PCDH15: variants seen among roughly 807,000 people sequenced by gnomAD.
The protein encoded by PCDH15 is protocadherin related 15.
A neutral mutation model predicts 178.5 loss-of-function variants in PCDH15; 129 were observed. That is an observed-to-expected ratio of 0.72 (90% confidence interval 0.63 to 0.84). PCDH15 has a LOEUF of 0.84. Ranked by LOEUF, PCDH15 falls within the 40% of genes least tolerant of loss-of-function variation. The pLI is 0.00. For synonymous variants in PCDH15, 800 were observed against 732.0 expected (o/e 1.09, Z -1.50); for missense variants, 2,230 against 2,099.9 (o/e 1.06, Z -1.21).
intron 10 of PCDH15, among the ~76,000 whole-genome samples, chr10:54,212,200 A>G (rs2051515915): frequency 6.6e-6 from 1 of 152,146 alleles, no homozygotes; most frequent in Non-Finnish European, 1.5e-5. Flanking sequence ...TAGATCCACA[A>G]TAGAAAATCA....
intron 8 of PCDH15, among the ~76,000 whole-genome samples, chr10:54,300,807 C>A (rs2060105125): frequency 6.6e-6 from 1 of 152,168 alleles, no homozygotes. Flanking sequence ...TGTAAATGCA[C>A]TAATCAGCGC....
intron 3 of PCDH15, among the ~76,000 whole-genome samples, chr10:54,518,899 G>T (rs1429260683): frequency 6.6e-6 from 1 of 152,106 alleles, no homozygotes; most frequent in African/African-American, 2.4e-5. Flanking sequence ...ATGCAAGGCT[G>T]GTTCAATATA....
At chr10:54,895,557 C>G (rs2131820167) in intron 3 of PCDH15, among the ~76,000 whole-genome samples, 1 of 152,226 alleles carries the variant, frequency 6.6e-6, no homozygotes, top group Non-Finnish European at 1.5e-5. Context: ...GCACTGTTGT[C>G]TCATTTGTCA....
At chr10:54,845,594 A>T (rs867793689) in intron 3 of PCDH15, among the ~76,000 whole-genome samples, 3 of 152,090 alleles carry the variant, frequency 2.0e-5, no homozygotes, top group South Asian at 2.1e-4. Flanking sequence ...TATCTATTAT[A>T]TTAATATTCT....
chr10:54,162,632 G>A (rs1401261240), intron 13 of PCDH15, among the ~76,000 whole-genome samples: 3 of 152,118 alleles, frequency 2.0e-5, no homozygotes. Context: ...CTGGAGAATT[G>A]CACAGATTTG....
chr10:54,048,684 T>C (rs1263607813), intron 18 of PCDH15, among the ~76,000 whole-genome samples: 2 of 152,154 alleles, frequency 1.3e-5, no homozygotes, highest in Non-Finnish European at 2.9e-5. Flanking sequence ...TTGTTGACTT[T>C]ATAATCAAAT....
chr10:55,454,084 A>G (rs1190728862), intron 2 of PCDH15, among the ~76,000 whole-genome samples: 1 of 152,174 alleles, frequency 6.6e-6, no homozygotes, highest in Non-Finnish European at 1.5e-5. Context: ...TGACCAGACC[A>G]TAACATAGAA....
intron 32 of PCDH15, among the ~76,000 whole-genome samples, chr10:53,824,527 C>T (rs1015162516): frequency 2.6e-5 from 4 of 152,022 alleles, no homozygotes; most frequent in Middle Eastern, 3.2e-3. Context: ...GGCAAAGATA[C>T]GAACTATAAG....
intron 2 of PCDH15, among the ~76,000 whole-genome samples, chr10:55,128,149 A>G (rs988135388): frequency 6.6e-6 from 1 of 151,970 alleles, no homozygotes; most frequent in Admixed American, 6.6e-5. Flanking sequence ...TGAAAGATGC[A>G]CTAAGATTTT....
chr10:55,082,096 A>C lies in PCDH15; in HGVS notation c.-80+84480T>G, dbSNP rs189066646. On this transcript the variant is annotated intron_variant, in intron 2 of 5. Transcript: ENST00000458638. ...AATGGACCTAACAGATATTTATAGA[A>C]CATTTCATCTAACTGCTGCAGAATA... 1.7e-3 allele frequency among the ~76,000 whole-genome samples: 253 copies of C among 152,292 alleles called. 6 individuals are homozygous for C. Among genetic ancestry groups the C allele is most frequent in the Non-Finnish European group, 5.1e-4 (35 of 68,024 alleles).
At chr10:55,202,603 C>A (rs970966140) in intron 1 of PCDH15, among the ~76,000 whole-genome samples, 1 of 152,094 alleles carries the variant, frequency 6.6e-6, no homozygotes, top group Non-Finnish European at 1.5e-5. Flanking sequence ...CAAATGGACA[C>A]TCTCCTTGTT....
At chr10:55,392,974 AGTGTAT>A (rs1276825920) in intron 2 of PCDH15, among the ~76,000 whole-genome samples, 7 of 133,638 alleles carry the variant, frequency 5.2e-5, no homozygotes, top group Non-Finnish European at 1.1e-4. Context: ...TAAGAACTAA[AGTGTAT>A]GTGTGTGTGT....
chr10:54,408,750 G>T (rs192610199), intron 3 of PCDH15, among the ~76,000 whole-genome samples: 1 of 152,286 alleles, frequency 6.6e-6, no homozygotes, highest in East Asian at 1.9e-4. Flanking sequence ...TGTTCAGAAT[G>T]TACTATGAAG....
chr10:54,001,785 G>A (rs111742631), intron 20 of PCDH15, among the ~76,000 whole-genome samples: 48 of 151,454 alleles, frequency 3.2e-4, no homozygotes, highest in African/African-American at 1.1e-3. Flanking sequence ...GTGGATGAAC[G>A]GATTAAAGAA....
At chr10:54,978,346 T>C (rs1411014384) in intron 2 of PCDH15, among the ~76,000 whole-genome samples, 1 of 152,130 alleles carries the variant, frequency 6.6e-6, no homozygotes. Context: ...CTATGTATTA[T>C]AACTGGTAAA....
intron 9 of PCDH15, among the ~76,000 whole-genome samples, chr10:54,219,498 C>A (rs1283228386): frequency 1.4e-5 from 2 of 144,298 alleles, no homozygotes; most frequent in Admixed American, 7.4e-5. Context: ...GAGGCTGAGG[C>A]AGGAGAATGG....
intron 2 of PCDH15, among the ~76,000 whole-genome samples, chr10:55,332,454 A>G (rs1203023103): frequency 1.3e-5 from 2 of 152,218 alleles, no homozygotes; most frequent in Non-Finnish European, 2.9e-5. Flanking sequence ...GAACTAGATC[A>G]AATCCATAAC....
At chr10:53,861,581 T>C (rs924144019) in intron 27 of PCDH15, among the ~76,000 whole-genome samples, 1 of 152,202 alleles carries the variant, frequency 6.6e-6, no homozygotes, top group African/African-American at 2.4e-5. Context: ...TATGTAATTT[T>C]AAATTTTCTG....
intron 11 of PCDH15, among the ~76,000 whole-genome samples, chr10:54,194,740 C>CTATATATATATA (rs60365134): frequency 4.0e-5 from 6 of 150,986 alleles, no homozygotes; most frequent in African/African-American, 1.5e-4. Context: ...ATCTATCTAT[C>CTATATATATATA]TATATATATA....
Sources: gnomAD v4.1 joint callset for allele counts (sites outside exome capture counted in the v4.1 genomes callset) on GRCh38, gnomAD v4.1.1 for gene constraint, MANE v1.5 for transcripts, NCBI Gene and HGNC (gene_info 2026-07-23, HGNC 2026-07-21) for gene names.